The following GRID2 variants were observed in gnomAD, a reference collection of about 807,000 sequenced individuals.
GRID2 encodes the protein glutamate receptor ionotropic, delta-2.
GRID2 carries 33 observed loss-of-function variants against 114.8 expected under a neutral mutation model. That is an observed-to-expected ratio of 0.29 (90% CI 0.22 to 0.38). The LOEUF (loss-of-function observed/expected upper bound fraction) is 0.38. Ranked by LOEUF, GRID2 falls within the 10% of genes least tolerant of loss-of-function variation. The pLI, the probability that GRID2 is intolerant of heterozygous loss-of-function variation, is 1.00. For synonymous variants in GRID2, 505 were observed against 449.9 expected, an observed-to-expected ratio of 1.12 and a Z score of -1.55; for missense variants, 1,184 against 1,257.7, an observed-to-expected ratio of 0.94 and a Z score of 0.89.
intron 2 of GRID2, among the ~76,000 whole-genome samples, chr4:93,030,407 T>G (rs1578796205): frequency 6.7e-6 from 1 of 149,656 alleles, no homozygotes; most frequent in Non-Finnish European, 1.5e-5. Context: ...TTTTCTGAGA[T>G]GGAGTCTCAC....
chr4:92,975,081 C>A (rs1354128738), intron 2 of GRID2, among the ~76,000 whole-genome samples: 1 of 139,576 alleles, frequency 7.2e-6, no homozygotes, highest in Non-Finnish European at 1.5e-5. Flanking sequence ...GGCGTGAACC[C>A]GGGGTGTGGA....
intron 1 of GRID2, among the ~76,000 whole-genome samples, chr4:92,373,156 A>C (rs1366107796): frequency 6.6e-6 from 1 of 152,328 alleles, no homozygotes; most frequent in Non-Finnish European, 1.5e-5. Flanking sequence ...GTCAGGAAGC[A>C]GGGGTAATTC....
intron 2 of GRID2, among the ~76,000 whole-genome samples, chr4:92,754,672 T>G (rs1737624253): frequency 1.3e-5 from 2 of 152,192 alleles, no homozygotes; most frequent in Admixed American, 1.3e-4. Flanking sequence ...TTTGATGTGT[T>G]TAAATACCCT....
chr4:93,257,958 T>C (rs1749778112), intron 8 of GRID2, among the ~76,000 whole-genome samples: 2 of 146,208 alleles, frequency 1.4e-5, no homozygotes, highest in African/African-American at 5.1e-5. Context: ...TATATATACA[T>C]ATACACACAA....
intron 1 of GRID2, among the ~76,000 whole-genome samples, chr4:92,444,434 G>T (rs869084321): frequency 3.9e-5 from 6 of 152,106 alleles, no homozygotes; most frequent in African/African-American, 9.7e-5. Context: ...GGGTGCTTTT[G>T]GCGCCAGGAT....
chr4:92,419,485 T>G (rs930089147), intron 1 of GRID2, among the ~76,000 whole-genome samples: 3 of 152,170 alleles, frequency 2.0e-5, no homozygotes, highest in Non-Finnish European at 4.4e-5. Context: ...CAAATAAATT[T>G]AAACAACATG....
chr4:93,661,120 A>G (rs1336788165), intron 14 of GRID2, among the ~76,000 whole-genome samples: 2 of 152,240 alleles, frequency 1.3e-5, no homozygotes, highest in African/African-American at 4.8e-5. Context: ...AACAAAATGT[A>G]GTAGTCAATC....
intron 2 of GRID2, among the ~76,000 whole-genome samples, chr4:92,720,697 C>T (rs986353511): frequency 3.3e-5 from 5 of 152,034 alleles, no homozygotes; most frequent in South Asian, 2.1e-4. Context: ...TTTATAATAA[C>T]CTAATATATA....
intron 2 of GRID2, among the ~76,000 whole-genome samples, chr4:92,749,310 C>CTATTTTTTTTTTTT (rs1295067924): frequency 1.4e-5 from 1 of 72,006 alleles, no homozygotes; most frequent in South Asian, 5.9e-4. Flanking sequence ...TGATTTGTAG[C>CTATTTTTTTTTTTT]TTTTTTTTTT....
chr4:93,428,083 T>C (rs1769027685), intron 10 of GRID2, among the ~76,000 whole-genome samples: 1 of 152,084 alleles, frequency 6.6e-6, no homozygotes, highest in Admixed American at 6.5e-5. Context: ...AGTTGGATGT[T>C]TGATGATATA....
chr4:93,483,097 T>A lies in GRID2; in HGVS notation c.1859-7542T>A, dbSNP rs566904191. Among the ~76,000 whole-genome samples the A allele has an allele frequency of 3.3e-5, 5 of 152,146 alleles. 1 individual carries two copies. In the South Asian group the frequency reaches 1.0e-3, roughly 32 times the overall value. The stretch of plus-strand genomic sequence containing the variant: ...ATATATACATTATCTCCTCCTATCT[T>A]TAAATGTAGAATATGCTTATGCTGG... On this transcript the variant is annotated intron_variant, in intron 11 of 15. Transcript: ENST00000282020.
At chr4:92,463,754 A>C (rs750150493) in intron 1 of GRID2, among the ~76,000 whole-genome samples, 1 of 151,942 alleles carries the variant, frequency 6.6e-6, no homozygotes, top group Non-Finnish European at 1.5e-5. Context: ...ATTGGGATTT[A>C]AGCCTACTGC....
chr4:93,603,369 C>T (rs1002640054), intron 13 of GRID2, among the ~76,000 whole-genome samples: 2 of 152,132 alleles, frequency 1.3e-5, no homozygotes, highest in African/African-American at 4.8e-5. Flanking sequence ...TTTTTCAATT[C>T]TATTCACCTC....
chr4:93,255,139 T>A (rs2149537882), intron 8 of GRID2, among the ~76,000 whole-genome samples: 1 of 152,302 alleles, frequency 6.6e-6, no homozygotes, highest in South Asian at 2.1e-4. Context: ...CGTGAACATT[T>A]TATTCATTCA....
intron 2 of GRID2, among the ~76,000 whole-genome samples, chr4:92,887,638 G>T (rs1746468492): frequency 6.6e-6 from 1 of 152,180 alleles, no homozygotes; most frequent in Non-Finnish European, 1.5e-5. Flanking sequence ...CTAGGACCAG[G>T]TCTACTGCAA....
At chr4:92,915,242 G>T (rs1748690905) in intron 2 of GRID2, among the ~76,000 whole-genome samples, 1 of 152,036 alleles carries the variant, frequency 6.6e-6, no homozygotes, top group South Asian at 2.1e-4. Context: ...TGACACATGG[G>T]GATTATGTCC....
At chr4:93,057,262 G>A (rs928378149) in intron 2 of GRID2, among the ~76,000 whole-genome samples, 12 of 151,474 alleles carry the variant, frequency 7.9e-5, no homozygotes, top group African/African-American at 2.9e-4. Flanking sequence ...TATAGAAATG[G>A]GATTACTTAT....
chr4:92,552,364 A>G (rs760117979), intron 1 of GRID2, among the ~76,000 whole-genome samples: 1 of 152,204 alleles, frequency 6.6e-6, no homozygotes, highest in Non-Finnish European at 1.5e-5. Context: ...TCTTAATTTA[A>G]TAATAAGCAG....
At chr4:93,649,771 A>C (rs1483455673) in intron 14 of GRID2, among the ~76,000 whole-genome samples, 1 of 152,166 alleles carries the variant, frequency 6.6e-6, no homozygotes, top group Non-Finnish European at 1.5e-5. Flanking sequence ...GAGTTACAGA[A>C]AATCCCAGAT....
Sources: gnomAD v4.1 joint callset for allele counts (sites outside exome capture counted in the v4.1 genomes callset) on GRCh38, gnomAD v4.1.1 for gene constraint, MANE v1.5 for transcripts, NCBI Gene and HGNC (gene_info 2026-07-23, HGNC 2026-07-21) for gene names.